MTMR14: variants seen among roughly 807,000 people sequenced by gnomAD.
MTMR14 encodes the protein myotubularin related protein 14.
Under a neutral mutation model 86.3 loss-of-function variants are expected in MTMR14, and 48 were observed. The ratio of observed to expected loss-of-function variants is 0.56; its 90% CI spans 0.44 to 0.71. The LOEUF (loss-of-function observed/expected upper bound fraction) is 0.71. Ranked by LOEUF, MTMR14 falls within the 30% of genes least tolerant of loss-of-function variation. The pLI, the probability that MTMR14 is intolerant of heterozygous loss-of-function variation, is 0.00. For missense variants in MTMR14, 780 were observed against 834.6 expected (o/e 0.93, Z 0.81); for synonymous variants, 366 against 326.1 (o/e 1.12, Z -1.32).
chr3:9,655,543 C>A (rs2124966710), intron 2 of MTMR14, among the ~76,000 whole-genome samples: 2 of 137,256 alleles, frequency 1.5e-5, no homozygotes. Flanking sequence ...TCACTGCAAC[C>A]TCTGCCTCCC....
rs1253704833 is a variant in MTMR14 at position 9,678,038 on chromosome 3, A to G, written c.877A>G (p.Ile293Val). 3.1e-6 allele frequency: 5 copies of G among 1,613,848 alleles called. No individual in the cohort carries two copies. Among genetic ancestry groups the G allele is most frequent in the Non-Finnish European group, 3.4e-6 (4 of 1,179,990 alleles). Residue 293 changes from isoleucine (I) to valine (V), a missense_variant, in exon 9 of 19, where the codon ATT becomes GTT. Ile to Val is a conservative substitution (Grantham distance 29, BLOSUM62 3). Coordinates refer to ENST00000296003, the MANE Select transcript of MTMR14 (RefSeq NM_001077525.3). ...CGACTTCCTGACTCACTCTCTGAAC[A>G]TTGACTGGAGCCAGTATCAGGTGAG... ...IPDFLTHSLN[I>V]DWSQYQCWDL...
At chr3:9,678,663 G>C (rs2075661570) in intron 9 of MTMR14, among the ~76,000 whole-genome samples, 1 of 152,200 alleles carries the variant, frequency 6.6e-6, no homozygotes, top group Non-Finnish European at 1.5e-5. Context: ...GCTTCCTCTT[G>C]TCTGGCTGAC....
chr3:9,668,819 A>G, intron 4 of MTMR14, 25 bp downstream of exon 4: 1 of 1,612,072 alleles, frequency 6.2e-7, no homozygotes, highest in African/African-American at 1.3e-5. Flanking sequence ...GCATCCTCTG[A>G]TGTAGAATGA....
chr3:9,687,920 G>C, intron 14 of MTMR14, 29 bp downstream of exon 14: 2 of 1,561,036 alleles, frequency 1.3e-6, no homozygotes, highest in South Asian at 2.3e-5. Context: ...GTGTCATGCT[G>C]GGCCAGGGCG....
chr3:9,694,407 C>T (rs1050372079), intron 17 of MTMR14, among the ~76,000 whole-genome samples: 3 of 152,092 alleles, frequency 2.0e-5, no homozygotes, highest in African/African-American at 7.2e-5. Flanking sequence ...TTTGGGAGGC[C>T]AAGGTCAGAG....
chr3:9,662,486 G>T, intron 3 of MTMR14, 111 bp downstream of exon 3: 1 of 859,786 alleles, frequency 1.2e-6, no homozygotes, highest in South Asian at 1.4e-5. Context: ...AGCATTGGGT[G>T]GTTACTGGGT....
intron 9 of MTMR14, among the ~76,000 whole-genome samples, chr3:9,679,671 T>G (rs954763489): frequency 5.3e-5 from 8 of 152,200 alleles, no homozygotes; most frequent in Admixed American, 4.6e-4. Context: ...ATGACCTCAC[T>G]TCCCCCTGAA....
At chr3:9,692,867 G>C (rs548910917) in intron 17 of MTMR14, among the ~76,000 whole-genome samples, 6 of 152,338 alleles carry the variant, frequency 3.9e-5, no homozygotes, top group African/African-American at 1.4e-4. Flanking sequence ...TAGGCTGTCT[G>C]CTTGTGGGTG....
At chr3:9,682,440 A>G (rs1366348895) in intron 9 of MTMR14, among the ~76,000 whole-genome samples, 1 of 152,200 alleles carries the variant, frequency 6.6e-6, no homozygotes, top group Admixed American at 6.5e-5. Context: ...AGCTAGGGAA[A>G]AGGGTGCCGC....
chr3:9,657,355 A>G (rs1031608226), intron 2 of MTMR14, among the ~76,000 whole-genome samples: 2 of 152,236 alleles, frequency 1.3e-5, no homozygotes, highest in African/African-American at 4.8e-5. Flanking sequence ...CTTCAGTAAC[A>G]TAATAGTACA....
chr3:9,687,993 CT>C, intron 14 of MTMR14, 102 bp downstream of exon 14: 1 of 1,012,794 alleles, frequency 9.9e-7, no homozygotes, highest in Non-Finnish European at 1.5e-6. Flanking sequence ...CCCTGCCTCC[CT>C]GCTTGTTGGG....
chr3:9,668,142 T>G (rs971833701), intron 3 of MTMR14, among the ~76,000 whole-genome samples: 1 of 152,194 alleles, frequency 6.6e-6, no homozygotes, highest in Non-Finnish European at 1.5e-5. Context: ...ATCCCTTCAG[T>G]GATGAGGAAA....
At chr3:9,682,933 G>GCCCCCCC (rs879461070) in intron 9 of MTMR14, among the ~76,000 whole-genome samples, 1 of 142,050 alleles carries the variant, frequency 7.0e-6, no homozygotes, top group African/African-American at 2.7e-5. Flanking sequence ...TTGGGTCAGA[G>GCCCCCCC]CCCCCCCCCC....
chr3:9,670,051 C>T (rs2048484352), intron 5 of MTMR14, among the ~76,000 whole-genome samples: 1 of 152,250 alleles, frequency 6.6e-6, no homozygotes, highest in Admixed American at 6.5e-5. Flanking sequence ...CTGGTTCACA[C>T]TCTTGCTATC....
At chr3:9,656,492 G>T (rs1412643920) in intron 2 of MTMR14, among the ~76,000 whole-genome samples, 2 of 151,852 alleles carry the variant, frequency 1.3e-5, no homozygotes, top group South Asian at 2.1e-4. Flanking sequence ...TGCCATCTTG[G>T]CTCACTGTAA....
chr3:9,693,920 G>A (rs2076209674), intron 17 of MTMR14, among the ~76,000 whole-genome samples: 1 of 152,204 alleles, frequency 6.6e-6, no homozygotes, highest in Non-Finnish European at 1.5e-5. Context: ...CCTGATCAAG[G>A]TTCCAGCTCT....
At chr3:9,661,218 C>T (rs1301404201) in intron 2 of MTMR14, among the ~76,000 whole-genome samples, 1 of 152,238 alleles carries the variant, frequency 6.6e-6, no homozygotes, top group African/African-American at 2.4e-5. Context: ...TAAAACAGCA[C>T]TCCCCAACCT....
chr3:9,690,043 C>G lies in MTMR14; in HGVS notation c.1513C>G (p.Gln505Glu). ...CTCAGAGGACCGCTTGCCTTCCCAG[C>G]AGGGGCTGGCGGAAGCCAGGTCTTC... ...QPSEDRLPSQ[Q>E]GLAEARSSSS... Residue 505 changes from glutamine (Q) to glutamate (E), a missense_variant, in exon 17 of 19, where the codon CAG (glutamine) becomes GAG (glutamate). Coordinates refer to ENST00000296003, the MANE Select transcript of MTMR14 (RefSeq NM_001077525.3). 6.2e-7 allele frequency: 1 copy of G among 1,612,978 alleles called. No individual in the cohort carries two copies. Among genetic ancestry groups the G allele is most frequent in the Non-Finnish European group, 8.5e-7 (1 of 1,179,942 alleles).
chr3:9,687,441 GC>G (rs1649267103), intron 13 of MTMR14, among the ~76,000 whole-genome samples: 1 of 152,044 alleles, frequency 6.6e-6, no homozygotes, highest in Non-Finnish European at 1.5e-5. Context: ...TGTAGTCCCA[GC>G]TACTCGGGAG....
Sources: allele counts gnomAD v4.1 joint callset (sites outside exome capture counted in the v4.1 genomes callset), GRCh38; gene constraint gnomAD v4.1.1; transcripts MANE v1.5; gene names NCBI Gene and HGNC (gene_info 2026-07-23, HGNC 2026-07-21).